NRG1: variants seen among roughly 807,000 people sequenced by gnomAD.
NRG1 encodes neuregulin 1.
NRG1 carries 18 observed loss-of-function variants against 63.8 expected under a neutral mutation model. That is an observed-to-expected ratio of 0.28 (90% CI 0.19 to 0.42). NRG1 has a LOEUF of 0.42. Ranked by LOEUF, NRG1 falls within the 10% of genes least tolerant of loss-of-function variation. The pLI is 1.00. For synonymous variants in NRG1, 302 were observed against 301.3 expected, an observed-to-expected ratio of 1.00 and a Z score of -0.02; for missense variants, 762 against 814.7, an observed-to-expected ratio of 0.94 and a Z score of 0.79.
At chr8:31,768,113 A>G (rs1818258386) in intron 1 of NRG1, among the ~76,000 whole-genome samples, 1 of 152,068 alleles carries the variant, frequency 6.6e-6, no homozygotes, top group African/African-American at 2.4e-5. Flanking sequence ...AGAGATTCAA[A>G]GAAGTAGAAT....
In NRG1 at chr8:32,066,506, A is replaced by G. The variant is rs866859372; in HGVS notation, c.37+427075A>G. Among the ~76,000 whole-genome samples, 1,174 of 151,312 alleles carry G rather than the reference A, an allele frequency of 7.8e-3. 6 individuals are homozygous for G. The highest frequency in any genetic ancestry group is 0.014 in the Middle Eastern group (4 of 288). ...AAAGATCAGATAGTTGTAGATATGC[A>G]GCATTATTTCTGAGGGCTCTGTTCT... On this transcript the variant is annotated intron_variant, in intron 1 of 10. Coordinates refer to the NRG1 transcript ENST00000519301.
chr8:32,600,861 C>A (rs1322973937), intron 2 of NRG1, among the ~76,000 whole-genome samples: 1 of 151,992 alleles, frequency 6.6e-6, no homozygotes, highest in Non-Finnish European at 1.5e-5. Context: ...CTAGAAAACT[C>A]ATCAATTAAA....
intron 1 of NRG1, among the ~76,000 whole-genome samples, chr8:31,840,705 TTC>T (rs1243306252): frequency 6.6e-6 from 1 of 152,174 alleles, no homozygotes; most frequent in Non-Finnish European, 1.5e-5. Context: ...AGATCCATTT[TTC>T]TCTGTGTGAC....
chr8:31,837,664 A>T (rs991904138), intron 1 of NRG1, among the ~76,000 whole-genome samples: 1 of 152,052 alleles, frequency 6.6e-6, no homozygotes, highest in Non-Finnish European at 1.5e-5. Context: ...GTCTCTGGTA[A>T]CTACTGTCCT....
intron 1 of NRG1, among the ~76,000 whole-genome samples, chr8:32,210,904 A>G (rs1221004223): frequency 1.3e-5 from 2 of 152,234 alleles, no homozygotes; most frequent in African/African-American, 4.8e-5. Context: ...AGAAAAGGGA[A>G]GAGAAACAGA....
chr8:32,309,888 G>A (rs1856623582), intron 1 of NRG1, among the ~76,000 whole-genome samples: 1 of 152,160 alleles, frequency 6.6e-6, no homozygotes. Flanking sequence ...ACACATTTCT[G>A]ACAAAAAGGA....
chr8:31,682,591 T>C lies in NRG1; in HGVS notation c.37+43160T>C, dbSNP rs114406036. 4.5e-3 allele frequency among the ~76,000 whole-genome samples: 690 copies of C among 152,150 alleles called. 8 individuals carry two copies. Among genetic ancestry groups the C allele is most frequent in the African/African-American group, 0.016 (652 of 41,522 alleles). ...AACTGGGTGGAGGGCACATGAAGCT[T>C]CTCCATACTATTTCTCCAACTTTCC... On this transcript the variant is annotated intron_variant, in intron 1 of 10. Transcript: ENST00000519301.
intron 1 of NRG1, among the ~76,000 whole-genome samples, chr8:31,947,970 A>C (rs904019308): frequency 1.3e-5 from 2 of 149,816 alleles, no homozygotes; most frequent in African/African-American, 2.5e-5. Flanking sequence ...AAAAAAAAAA[A>C]AACTACTACT....
intron 1 of NRG1, among the ~76,000 whole-genome samples, chr8:31,843,288 TTG>T (rs1826368043): frequency 6.6e-6 from 1 of 152,214 alleles, no homozygotes; most frequent in Non-Finnish European, 1.5e-5. Flanking sequence ...TGTGCTCTCA[TTG>T]TTTCCATATT....
chr8:32,062,705 A>G (rs564387531), intron 1 of NRG1, among the ~76,000 whole-genome samples: 1 of 152,088 alleles, frequency 6.6e-6, no homozygotes, highest in Admixed American at 6.6e-5. Flanking sequence ...ATTCCTTCAG[A>G]TTATTCTTTA....
chr8:32,003,459 A>G (rs1813266370), intron 1 of NRG1, among the ~76,000 whole-genome samples: 2 of 152,050 alleles, frequency 1.3e-5, no homozygotes, highest in Admixed American at 6.6e-5. Context: ...AACAAATTCA[A>G]AAGCGTGGCA....
At chr8:32,244,886 A>C (rs1848460020) in intron 1 of NRG1, among the ~76,000 whole-genome samples, 1 of 152,198 alleles carries the variant, frequency 6.6e-6, no homozygotes, top group Admixed American at 6.5e-5. Context: ...AATATCAAAG[A>C]TTATGTTAAA....
At chr8:31,722,235 T>C (rs1172866621) in intron 1 of NRG1, among the ~76,000 whole-genome samples, 1 of 152,138 alleles carries the variant, frequency 6.6e-6, no homozygotes, top group Non-Finnish European at 1.5e-5. Context: ...CATGGTATAC[T>C]ACTGCGATTT....
chr8:32,417,716 T>C (rs1346996162), intron 1 of NRG1, among the ~76,000 whole-genome samples: 1 of 129,226 alleles, frequency 7.7e-6, no homozygotes, highest in African/African-American at 2.9e-5. Context: ...TTTGTTCTAG[T>C]CACACGGGGG....
intron 1 of NRG1, among the ~76,000 whole-genome samples, chr8:32,315,723 C>T (rs1330074340): frequency 6.6e-6 from 1 of 152,190 alleles, no homozygotes; most frequent in Admixed American, 6.5e-5. Flanking sequence ...AATGATGTAA[C>T]TCTACGTGAT....
chr8:32,063,681 T>G (rs1316237844), intron 1 of NRG1, among the ~76,000 whole-genome samples: 7 of 152,124 alleles, frequency 4.6e-5, no homozygotes, highest in Non-Finnish European at 8.8e-5. Flanking sequence ...TTAGGTCATG[T>G]ATTAATTTAA....
chr8:31,920,138 G>A (rs1170153983), intron 1 of NRG1, among the ~76,000 whole-genome samples: 1 of 152,030 alleles, frequency 6.6e-6, no homozygotes, highest in Non-Finnish European at 1.5e-5. Context: ...GAACATTGTT[G>A]AGGTGGCATG....
intron 1 of NRG1, among the ~76,000 whole-genome samples, chr8:32,531,142 GAGA>G (rs1038667724): frequency 6.6e-6 from 1 of 151,760 alleles, no homozygotes; most frequent in Non-Finnish European, 1.5e-5. Context: ...GAGAGAAGGA[GAGA>G]AGGAGAGAAA....
At chr8:31,867,936 A>T (rs571608728) in intron 1 of NRG1, among the ~76,000 whole-genome samples, 97 of 152,188 alleles carry the variant, frequency 6.4e-4, no homozygotes, top group African/African-American at 2.1e-3. Flanking sequence ...GGCCAACTGT[A>T]TTGGACCAAC....
Sources: allele counts gnomAD v4.1 joint callset (sites outside exome capture counted in the v4.1 genomes callset), GRCh38; gene constraint gnomAD v4.1.1; transcripts MANE v1.5; gene names NCBI Gene and HGNC (gene_info 2026-07-23, HGNC 2026-07-21).